The following MAGEB6 variants were observed in gnomAD, a reference collection of about 807,000 sequenced individuals.
MAGEB6 encodes MAGE family member B6.
For missense variants in MAGEB6, 327 were observed against 329.7 expected (o/e 0.99, Z 0.06); for synonymous variants, 128 against 136.2 (o/e 0.94, Z 0.42).
At chrX:26,192,782 C>G (rs1203324907) in intron 1 of MAGEB6, among the ~76,000 whole-genome samples, 1 of 111,642 alleles carries the variant, frequency 9.0e-6, no homozygotes, top group Non-Finnish European at 1.9e-5. Flanking sequence ...TTAAGAGGAC[C>G]CTCCTTAGAA....
rs367835358 is a variant in MAGEB6 at position 26,194,461 on chromosome X, C to T, written c.615C>T (p.Phe205=). The change falls in exon 2 of 2, where the codon TTC becomes TTT. Residue 205 remains phenylalanine (F), a synonymous_variant. Transcript: ENST00000379034. ...AGAAGGCGTGCACGTTGGCGCAATT[C>T]CTGCAGAAGAAGTTTGAGAAGAAAG... The part of the protein sequence containing the change: ...VKKKACTLAQ[F]LQKKFEKKES... 2.6e-4 allele frequency: 315 copies of T among 1,210,516 alleles called. No homozygotes were observed. The highest frequency in any genetic ancestry group is 3.3e-4 in the Non-Finnish European group (299 of 895,421).
chrX:26,194,740 C>A lies in MAGEB6; in HGVS notation c.894C>A (p.Asn298Lys), dbSNP rs200964551. The change falls in exon 2 of 2, where the codon AAC becomes AAA. Residue 298 changes from asparagine to lysine, a missense_variant. Coordinates refer to ENST00000379034, the MANE Select transcript of MAGEB6 (RefSeq NM_173523.2). The part of the protein sequence containing the change: ...LMSLLVVIFM[N>K]GNCATEEEVW... Reference sequence around the variant, plus strand: ...CGCTCCTGGTTGTGATCTTCATGAACGGCAACTGTGCCACTGAAGAGGAGG... The same window carrying A: ...CGCTCCTGGTTGTGATCTTCATGAAAGGCAACTGTGCCACTGAAGAGGAGG... 1.6e-5 allele frequency: 19 copies of A among 1,209,678 alleles called. No homozygotes were observed. In the Admixed American group the frequency reaches 3.5e-4, roughly 22 times the overall value.
Position 26,193,791 on chromosome X carries a change from A to G in MAGEB6, c.-56A>G. The G allele has an allele frequency of 8.9e-7, 1 of 1,124,275 alleles. No homozygotes were observed. The highest frequency in any genetic ancestry group is 1.2e-6 in the Non-Finnish European group (1 of 849,287). The allele number at this position is 1,124,275 out of a possible 1,213,427, so 92.7% of individuals were successfully genotyped here. ...CGTCACTCTCTCCCATCCAGGTGCC[A>G]GCCTTCCTAGTCTTCCTACCCACAC... On this transcript the variant is annotated 5_prime_UTR_variant, in exon 2 of 2. Coordinates refer to ENST00000379034, the MANE Select transcript of MAGEB6 (RefSeq NM_173523.2).
In MAGEB6 at chrX:26,193,057, G is replaced by A. The variant is rs1232532138; in HGVS notation, c.-62+530G>A. Among the ~76,000 whole-genome samples, 9 of 110,993 alleles carry A rather than the reference G, an allele frequency of 8.1e-5. No homozygotes were observed. In the East Asian group the frequency reaches 1.1e-3, roughly 14 times the overall value. ...ACTGGAAGAGCACTCAAATGCCTCC[G>A]CTGTTGTCAGCCCTAGGTGGTCTGG... On this transcript the variant is annotated intron_variant, in intron 1 of 1. Transcript: ENST00000379034.
rs954394841 is a variant in MAGEB6, at chrX:26,195,190, G to A, written c.*120G>A. Reference sequence around the variant, plus strand: ...ACTTTATGTTAGAAGAGAGTAGTGAGCTTTCTAAGTAGTGCAGTATAGTAG... The same window carrying A: ...ACTTTATGTTAGAAGAGAGTAGTGAACTTTCTAAGTAGTGCAGTATAGTAG... On this transcript the variant is annotated 3_prime_UTR_variant, in exon 2 of 2. Transcript: ENST00000379034. The A allele has an allele frequency of 2.2e-6, 2 of 892,057 alleles. No individual in the cohort carries two copies. Among genetic ancestry groups the A allele is most frequent in the African/African-American group, 4.1e-5 (2 of 48,981 alleles). The allele number at this position is 892,057 out of a possible 1,213,427, so 73.5% of individuals were successfully genotyped here.
rs752929934 is a variant in MAGEB6 at position 26,194,023 on chromosome X, C to T, written c.177C>T (p.Ser59=). 1 of 1,211,805 alleles carries T rather than the reference C, an allele frequency of 8.3e-7. No individual in the cohort carries two copies. The highest frequency in any genetic ancestry group is 1.7e-5 in the African/African-American group (1 of 57,836). Residue 59 remains serine, a synonymous_variant, in exon 2 of 2, where the codon TCC becomes TCT. Transcript: ENST00000379034. ...ATTGTCGTAGGTCTTCTGATGCCTC[C>T]ATTCCTCAGGAGTCTCAGGGAGTGT... ...LGDCRRSSDA[S]IPQESQGVSP...
At position 26,194,333 on chromosome X, in the gene MAGEB6, G is replaced by A. The variant is rs778340145; in HGVS notation, c.487G>A (p.Gly163Ser). Reference protein sequence around the residue: ...PTGSPDAGVSGSKYDVAAEGE... With the variant: ...PTGSPDAGVSSSKYDVAAEGE... ...TGGCTCGCCTGATGCAGGTGTTTCAGGCTCAAAATATGATGTGGCTGCCGA... is the reference window on the plus strand; with the variant it reads ...TGGCTCGCCTGATGCAGGTGTTTCAAGCTCAAAATATGATGTGGCTGCCGA... The change falls in exon 2 of 2, where the codon GGC becomes AGC. Residue 163 changes from glycine to serine, a missense_variant. Physicochemically the swap from Gly to Ser is moderately conservative, Grantham distance 56 (BLOSUM62 0). Transcript: ENST00000379034. The A allele has an allele frequency of 3.3e-6, 4 of 1,212,177 alleles. No individual in the cohort carries two copies. In the Admixed American group the frequency reaches 6.5e-5, roughly 20 times the overall value.
chrX:26,194,936 T>C lies in MAGEB6; in HGVS notation c.1090T>C (p.Tyr364His). ...TGAGTTCCTGTGGGGTCCACGAGCC[T>C]ATGCTGAAACCACCAAGATGAGAGT... ...CYEFLWGPRA[Y>H]AETTKMRVLR... is the part of the protein sequence containing the mutation. The change falls in exon 2 of 2, where the codon TAT (tyrosine) becomes CAT (histidine). Residue 364 changes from tyrosine (Y) to histidine (H), a missense_variant. Physicochemically the swap from Tyr to His is moderately conservative, Grantham distance 83. Transcript: ENST00000379034. 8.3e-7 allele frequency: 1 copy of C among 1,211,885 alleles called. No individual in the cohort carries two copies. Among genetic ancestry groups the C allele is most frequent in the South Asian group, 1.8e-5 (1 of 56,968 alleles).
At position 26,194,721 on chromosome X, in the gene MAGEB6, T is replaced by A; in HGVS notation, c.875T>A (p.Leu292Gln). The A allele has an allele frequency of 2.5e-6, 3 of 1,211,717 alleles. No individual in the cohort carries two copies. The highest frequency in any genetic ancestry group is 3.4e-6 in the Non-Finnish European group (3 of 895,483). ...AAGTCGGGTCTCCTGATGTCGCTCC[T>A]GGTTGTGATCTTCATGAACGGCAAC... is the stretch of plus-strand genomic sequence containing the variant. ...LPKSGLLMSL[L>Q]VVIFMNGNCA... is the part of the protein sequence containing the mutation. The change falls in exon 2 of 2, where the codon CTG (leucine) becomes CAG (glutamine). Residue 292 changes from leucine to glutamine, a missense_variant. Leu to Gln is a moderately radical substitution (Grantham distance 113). Coordinates refer to ENST00000379034, the MANE Select transcript of MAGEB6 (RefSeq NM_173523.2).
intron 1 of MAGEB6, 140 bp from the exon 2 acceptor site, chrX:26,193,646 C>T: frequency 2.8e-6 from 1 of 361,631 alleles, no homozygotes; most frequent in Non-Finnish European, 4.7e-6. Flanking sequence ...TTGAAGGAGA[C>T]AAACTGACCA....
At chrX:26,193,314 T>C (rs1243682188) in intron 1 of MAGEB6, among the ~76,000 whole-genome samples, 2 of 104,852 alleles carry the variant, frequency 1.9e-5, no homozygotes, top group Non-Finnish European at 3.9e-5. Context: ...CATTTAGCAC[T>C]AGGTATATCT....
chrX:26,194,980 C>T lies in MAGEB6; in HGVS notation c.1134C>T (p.Asp378=). Residue 378 remains aspartate (D), a synonymous_variant, in exon 2 of 2, where the codon GAC becomes GAT. Coordinates refer to ENST00000379034, the MANE Select transcript of MAGEB6 (RefSeq NM_173523.2). ...TKMRVLRVLA[D]SSNTSPGLYP... is the part of the protein sequence containing the mutation. ...TGAGAGTCCTGCGTGTTTTGGCCGA[C>T]AGCAGTAACACCAGTCCCGGTTTAT... 1.7e-6 allele frequency: 2 copies of T among 1,211,488 alleles called. No homozygotes were observed. The highest frequency in any genetic ancestry group is 2.2e-6 in the Non-Finnish European group (2 of 895,502).
rs1233540331 is a variant in MAGEB6, at chrX:26,194,725, T to A, written c.879T>A (p.Val293=). ...PKSGLLMSLL[V]VIFMNGNCAT... ...CGGGTCTCCTGATGTCGCTCCTGGTTGTGATCTTCATGAACGGCAACTGTG... is the reference window on the plus strand; with the variant it reads ...CGGGTCTCCTGATGTCGCTCCTGGTAGTGATCTTCATGAACGGCAACTGTG... The change falls in exon 2 of 2, where the codon GTT becomes GTA. Residue 293 remains valine, a synonymous_variant. Transcript: ENST00000379034. 6 of 1,211,618 alleles carry A rather than the reference T, an allele frequency of 5.0e-6. No homozygotes were observed. Among genetic ancestry groups the A allele is most frequent in the Non-Finnish European group, 6.7e-6 (6 of 895,472 alleles).
At chrX:26,192,839 G>A (rs1456184455) in intron 1 of MAGEB6, among the ~76,000 whole-genome samples, 1 of 111,790 alleles carries the variant, frequency 8.9e-6, no homozygotes, top group African/African-American at 3.3e-5. Flanking sequence ...ACCGAACTCT[G>A]CCCTTGACGT....
rs1284480955 is a variant in MAGEB6, at chrX:26,195,274, T to A, written c.*204T>A. ...TGTTACACATGAGTAACTTGCAGATTTATGTTTTATCTCTGTCAGTTATCA... is the reference window on the plus strand; with the variant it reads ...TGTTACACATGAGTAACTTGCAGATATATGTTTTATCTCTGTCAGTTATCA... On this transcript the variant is annotated 3_prime_UTR_variant, in exon 2 of 2. Coordinates refer to ENST00000379034, the MANE Select transcript of MAGEB6 (RefSeq NM_173523.2). 8 of 404,256 alleles carry A rather than the reference T, an allele frequency of 2.0e-5. No homozygotes were observed. The highest frequency in any genetic ancestry group is 3.4e-5 in the Non-Finnish European group (8 of 235,258). The allele number at this position is 404,256 out of a possible 1,213,427, so 33.3% of individuals were successfully genotyped here.
rs1190979444 is a variant in MAGEB6 at position 26,195,233 on chromosome X, A to G, written c.*163A>G. The G allele has an allele frequency of 2.0e-6, 1 of 492,074 alleles. No homozygotes were observed. Among genetic ancestry groups the G allele is most frequent in the African/African-American group, 4.1e-5 (1 of 24,294 alleles). 40.6% of individuals were successfully genotyped at this position (492,074 alleles called of 1,213,427 possible). A position where few individuals can be genotyped will look rare whatever the true frequency, so the allele number is the denominator to read the frequency against. Reference sequence around the variant, plus strand: ...TATAGTAGAGGCTGGAGGGAACAAGATATGTATCTTTCTTTTGTTACACAT... The same window carrying G: ...TATAGTAGAGGCTGGAGGGAACAAGGTATGTATCTTTCTTTTGTTACACAT... On this transcript the variant is annotated 3_prime_UTR_variant, in exon 2 of 2. Coordinates refer to ENST00000379034, the MANE Select transcript of MAGEB6 (RefSeq NM_173523.2).
intron 1 of MAGEB6, 72 bp from the exon 2 acceptor site, chrX:26,193,714 G>A (rs1263513956): frequency 1.0e-5 from 7 of 669,965 alleles, no homozygotes; most frequent in Admixed American, 3.5e-5. Context: ...CCTGCAGAAG[G>A]GGCCCTAGTT....
At position 26,194,356 on chromosome X, in the gene MAGEB6, C is replaced by T. The variant is rs746794376; in HGVS notation, c.510C>T (p.Ala170=). Residue 170 remains alanine (A), a synonymous_variant, in exon 2 of 2, where the codon GCC becomes GCT. Coordinates refer to ENST00000379034, the MANE Select transcript of MAGEB6 (RefSeq NM_173523.2). ...CAGGCTCAAAATATGATGTGGCTGC[C>T]GAGGGTGAAGATGAGGAAAGTGTAA... ...GVSGSKYDVA[A]EGEDEESVSA... 1.3e-5 allele frequency: 16 copies of T among 1,210,509 alleles called. No individual in the cohort carries two copies. Among genetic ancestry groups the T allele is most frequent in the East Asian group, 3.0e-5 (1 of 33,772 alleles).
Position 26,192,454 on chromosome X carries a change from A to AGCC in MAGEB6, c.-133_-131dup, listed in dbSNP as rs1929121163. On this transcript the variant is annotated 5_prime_UTR_variant, in exon 1 of 2. Transcript: ENST00000379034. ...GACTTCCACCTAATAAAGGGGTCTG[A>AGCC]GCCGGTCGCCTGAGCCTGAAAAGTG... 1.8e-5 allele frequency: 2 copies of AGCC among 110,262 alleles called. No individual in the cohort carries two copies. The highest frequency in any genetic ancestry group is 6.6e-5 in the African/African-American group (2 of 30,182). 9.1% of individuals were successfully genotyped at this position (110,262 alleles called of 1,213,427 possible).
Sources: allele counts gnomAD v4.1 joint callset (sites outside exome capture counted in the v4.1 genomes callset), GRCh38; gene constraint gnomAD v4.1.1; transcripts MANE v1.5; gene names NCBI Gene and HGNC (gene_info 2026-07-23, HGNC 2026-07-21).